Variants in CELF4 observed in about 807,000 individuals in gnomAD.
CELF4 encodes the protein CUG-BP- and ETR-3-like factor 4.
In CELF4, 18 loss-of-function variants were observed where a neutral mutation model predicts 59.9. That is an observed-to-expected ratio of 0.30 (90% CI 0.21 to 0.45). CELF4 has a LOEUF of 0.45. CELF4 is among the 20% of genes least tolerant of loss of function. The pLI is 1.00. For synonymous variants in CELF4, 261 were observed against 267.1 expected (o/e 0.98, Z 0.22); for missense variants, 456 against 689.0 (o/e 0.66, Z 3.79).
At chr18:37,417,012 AAGC>A (rs1170594122) in intron 2 of CELF4, among the ~76,000 whole-genome samples, 4 of 152,006 alleles carry the variant, frequency 2.6e-5, no homozygotes, top group African/African-American at 9.7e-5. Flanking sequence ...GGAAAGGAGA[AAGC>A]AGGAAGGAAG....
chr18:37,343,965 C>A (rs1295858437), intron 2 of CELF4, among the ~76,000 whole-genome samples: 1 of 152,194 alleles, frequency 6.6e-6, no homozygotes, highest in Non-Finnish European at 1.5e-5. Context: ...TCTCTGCAAC[C>A]AAACTCCTCC....
At chr18:37,439,746 A>C (rs566014783) in intron 2 of CELF4, among the ~76,000 whole-genome samples, 2 of 152,172 alleles carry the variant, frequency 1.3e-5, no homozygotes, top group African/African-American at 4.8e-5. Flanking sequence ...TGTGGGAGGC[A>C]GGGCTCAGTT....
chr18:37,423,091 G>GAA (rs1255126959), intron 2 of CELF4, among the ~76,000 whole-genome samples: 7 of 150,736 alleles, frequency 4.6e-5, no homozygotes, highest in South Asian at 2.1e-4. Context: ...CAGAGACAGA[G>GAA]AGAGAGAGAG....
intron 1 of CELF4, among the ~76,000 whole-genome samples, chr18:37,563,796 C>T (rs1238329748): frequency 6.6e-6 from 1 of 151,670 alleles, no homozygotes. Flanking sequence ...ATGCCATTAA[C>T]TTTAAGATTT....
At chr18:37,427,471 C>T (rs576111622) in intron 2 of CELF4, among the ~76,000 whole-genome samples, 10 of 152,096 alleles carry the variant, frequency 6.6e-5, no homozygotes, top group East Asian at 5.8e-4. Flanking sequence ...TGGGTCCTTT[C>T]GGGGAACTGT....
intron 1 of CELF4, among the ~76,000 whole-genome samples, chr18:37,519,819 A>T (rs1416677374): frequency 1.3e-5 from 2 of 152,202 alleles, no homozygotes; most frequent in African/African-American, 4.8e-5. Flanking sequence ...AGTGGTCATG[A>T]ACTGCTCCAG....
intron 3 of CELF4, among the ~76,000 whole-genome samples, chr18:37,278,988 C>T (rs1354507238): frequency 2.0e-5 from 3 of 152,202 alleles, no homozygotes; most frequent in Non-Finnish European, 2.9e-5. Flanking sequence ...GCCAGTTTCG[C>T]AAGAGTCTTG....
At chr18:37,353,771 T>C (rs1224204510) in intron 2 of CELF4, among the ~76,000 whole-genome samples, 26 of 146,026 alleles carry the variant, frequency 1.8e-4, no homozygotes, top group African/African-American at 4.7e-4. Flanking sequence ...TTCTTTCTTT[T>C]TTTTTTTTTT....
chr18:37,448,096 A>G (rs1040411199), intron 2 of CELF4, among the ~76,000 whole-genome samples: 26 of 152,234 alleles, frequency 1.7e-4, no homozygotes, highest in Non-Finnish European at 4.4e-5. Flanking sequence ...AGGCAGTCGA[A>G]TGGCCAGTTG....
chr18:37,390,806 G>GGGGGGGGGGGGGGGTGGGCT (rs1652520871), intron 2 of CELF4, among the ~76,000 whole-genome samples: 1 of 74,556 alleles, frequency 1.3e-5, no homozygotes, highest in African/African-American at 1.0e-4. Context: ...ATGGGGCGGG[G>GGGGGGGGGGGGGGGTGGGCT]AGGGGGGGCA....
At chr18:37,473,000 G>T (rs767003031) in intron 2 of CELF4, among the ~76,000 whole-genome samples, 27 of 152,056 alleles carry the variant, frequency 1.8e-4, no homozygotes, top group Non-Finnish European at 3.2e-4. Flanking sequence ...CCCGAACCCT[G>T]CGACTCAGCC....
chr18:37,243,214 G>T lies in CELF4; in HGVS notation c.*2028C>A, dbSNP rs2060883992. On this transcript the variant is annotated 3_prime_UTR_variant, in exon 13 of 13. Transcript: ENST00000420428. ...TTTTTTTTTTTTTTTTTTACATCTG[G>T]ACATCCTAAAAGGAGGAGTCAAGAG... 8.5e-6 allele frequency: 1 copy of T among 117,934 alleles called. No individual in the cohort carries two copies. Among genetic ancestry groups the T allele is most frequent in the Non-Finnish European group, 1.7e-5 (1 of 59,312 alleles). The allele number at this position is 117,934 out of a possible 1,614,324, so 7.3% of individuals were successfully genotyped here.
At chr18:37,470,692 C>T (rs1207111097) in intron 2 of CELF4, among the ~76,000 whole-genome samples, 2 of 151,992 alleles carry the variant, frequency 1.3e-5, no homozygotes, top group Non-Finnish European at 2.9e-5. Flanking sequence ...TCTTCTAGCC[C>T]AAGAGGAGGA....
At chr18:37,326,948 G>A (rs2097338677) in intron 2 of CELF4, among the ~76,000 whole-genome samples, 1 of 152,132 alleles carries the variant, frequency 6.6e-6, no homozygotes, top group African/African-American at 2.4e-5. Context: ...TATTCATTCA[G>A]CTATGAAAAC....
chr18:37,266,533 G>A lies in CELF4; in HGVS notation c.1165C>T (p.Pro389Ser), dbSNP rs2077634082. Residue 389 changes from proline to serine, a missense_variant and splice_region_variant, in exon 9 of 13, where the codon CCA becomes TCA. This residue lies in a region of CELF4 where 256 missense variants were observed against 340.8 expected (regional missense o/e 0.75). Coordinates refer to ENST00000420428, the MANE Select transcript of CELF4 (RefSeq NM_020180.4). ...GCCGTGGGGACGCGTGGATACTAACGACCTGCATACTGCTGCACTCCGGCG... is the reference window on the plus strand; with the variant it reads ...GCCGTGGGGACGCGTGGATACTAACAACCTGCATACTGCTGCACTCCGGCG... ...AYAGVQQYAG[P>S]AAYPAAYGQI... The A allele has an allele frequency of 3.1e-6, 5 of 1,592,460 alleles. No homozygotes were observed. In the African/African-American group the frequency reaches 4.0e-5, roughly 13 times the overall value.
chr18:37,396,558 C>T (rs2099248074), intron 2 of CELF4, among the ~76,000 whole-genome samples: 1 of 152,166 alleles, frequency 6.6e-6, no homozygotes, highest in Non-Finnish European at 1.5e-5. Flanking sequence ...GTTTCCATTG[C>T]TCACAGCTGT....
Position 37,306,366 on chromosome 18 carries a change from T to C in CELF4, c.448+15437A>G, listed in dbSNP as rs187520754. 4.3e-3 allele frequency: 649 copies of C among 152,504 alleles called. 3 individuals are homozygous for C. The highest frequency in any genetic ancestry group is 0.014 in the South Asian group (70 of 4,834). 9.4% of individuals were successfully genotyped at this position (152,504 alleles called of 1,614,324 possible). On this transcript the variant is annotated intron_variant, in intron 3 of 12. Transcript: ENST00000420428. ...CTAATGCTAGGGCCGGGGGCACTGC[T>C]CTGCTGATGTCTTCATGCCTGTGAG... is the stretch of plus-strand genomic sequence containing the variant.
At chr18:37,472,953 C>G (rs555166798) in intron 2 of CELF4, among the ~76,000 whole-genome samples, 1 of 152,126 alleles carries the variant, frequency 6.6e-6, no homozygotes, top group Non-Finnish European at 1.5e-5. Flanking sequence ...CCCCCCAGAA[C>G]TGATTTGGTC....
chr18:37,396,649 G>A (rs940295335), intron 2 of CELF4, among the ~76,000 whole-genome samples: 18 of 152,248 alleles, frequency 1.2e-4, no homozygotes, highest in South Asian at 2.1e-4. Flanking sequence ...TCTTGCCAGT[G>A]TCCTTATAAG....
Sources: allele counts gnomAD v4.1 joint callset (sites outside exome capture counted in the v4.1 genomes callset), GRCh38; gene constraint gnomAD v4.1.1; regional missense constraint gnomAD v4.1.1; transcripts MANE v1.5; gene names NCBI Gene and HGNC (gene_info 2026-07-23, HGNC 2026-07-21).